ZNF264: variants seen among roughly 807,000 people sequenced by gnomAD.
ZNF264 encodes zinc finger protein 264.
Under a neutral mutation model 11.2 loss-of-function variants are expected in ZNF264, and 11 were observed. The observed-to-expected ratio is 0.98, with a 90% CI of 0.62 to 1.63. The LOEUF is 1.63. ZNF264 is among the 40% of genes most tolerant of loss of function. The pLI is 0.00. For synonymous variants in ZNF264, 309 were observed against 279.8 expected (o/e 1.10, Z -1.04); for missense variants, 752 against 768.1 (o/e 0.98, Z 0.25).
intron 2 of ZNF264, among the ~76,000 whole-genome samples, chr19:57,196,493 G>A (rs1055831145): frequency 5.3e-5 from 8 of 152,054 alleles, no homozygotes; most frequent in African/African-American, 1.9e-4. Context: ...TCTGCTGCTG[G>A]CAGATTGGGC....
chr19:57,196,545 A>G (rs1014312639), intron 2 of ZNF264, among the ~76,000 whole-genome samples: 2 of 151,866 alleles, frequency 1.3e-5, no homozygotes, highest in Admixed American at 1.3e-4. Flanking sequence ...GGTAAGTGGA[A>G]GTCCATGTTG....
At chr19:57,205,214 C>T (rs920104405) in intron 2 of ZNF264, among the ~76,000 whole-genome samples, 183 bp from the exon 3 acceptor site, 1 of 152,120 alleles carries the variant, frequency 6.6e-6, no homozygotes, top group Non-Finnish European at 1.5e-5. Flanking sequence ...TTTGGAATTA[C>T]ATAATGCATT....
In ZNF264 at chr19:57,194,015, T is replaced by A; in HGVS notation, c.160+14T>A. On this transcript the variant is annotated intron_variant, in intron 2 of 3. Transcript: ENST00000263095. The stretch of plus-strand genomic sequence containing the variant: ...TGGTGTCTCTGGGTAAGGCCTTCCT[T>A]CCCCCTCCACCATGCAGGTGACCTG... 1 of 1,594,216 alleles carries A rather than the reference T, an allele frequency of 6.3e-7. No homozygotes were observed. The highest frequency in any genetic ancestry group is 8.5e-7 in the Non-Finnish European group (1 of 1,169,660).
chr19:57,193,923 T>C lies in ZNF264; in HGVS notation c.82T>C (p.Trp28Arg). The C allele has an allele frequency of 6.2e-7, 1 of 1,613,778 alleles. No individual in the cohort carries two copies. The highest frequency in any genetic ancestry group is 1.1e-5 in the South Asian group (1 of 91,066). Residue 28 changes from tryptophan (W) to arginine (R), a missense_variant, in exon 2 of 4, where the codon TGG (tryptophan) becomes CGG (arginine). Coordinates refer to ENST00000263095, the MANE Select transcript of ZNF264 (RefSeq NM_003417.5). ...DVAVTFTKEEWGQLDLAQRTL... is the reference protein window; with the variant it reads ...DVAVTFTKEERGQLDLAQRTL... Reference sequence around the variant, plus strand: ...GGCTGTGACTTTCACCAAGGAGGAGTGGGGGCAGCTGGACCTAGCTCAGCG... The same window carrying C: ...GGCTGTGACTTTCACCAAGGAGGAGCGGGGGCAGCTGGACCTAGCTCAGCG...
chr19:57,219,610 T>A lies in ZNF264; in HGVS notation c.*6629T>A, dbSNP rs2087403063. 6.6e-6 allele frequency: 1 copy of A among 152,264 alleles called. No homozygotes were observed. The highest frequency in any genetic ancestry group is 2.4e-5 in the African/African-American group (1 of 41,462). The allele number at this position is 152,264 out of a possible 1,614,324, so 9.4% of individuals were successfully genotyped here. On this transcript the variant is annotated 3_prime_UTR_variant, in exon 4 of 4. Coordinates refer to ENST00000263095, the MANE Select transcript of ZNF264 (RefSeq NM_003417.5). Reference sequence around the variant, plus strand: ...TCTGAACCAAAACTTCTTTCTTGGTTCTTGAAAGTTGCTGTCTTTCTCCTC... The same window carrying A: ...TCTGAACCAAAACTTCTTTCTTGGTACTTGAAAGTTGCTGTCTTTCTCCTC...
intron 3 of ZNF264, among the ~76,000 whole-genome samples, chr19:57,209,338 G>C (rs1407959222): frequency 6.6e-6 from 1 of 152,108 alleles, no homozygotes; most frequent in Non-Finnish European, 1.5e-5. Context: ...TGATAGCAAT[G>C]CAGTTATTTT....
At position 57,212,746 on chromosome 19, in the gene ZNF264, G is replaced by T; in HGVS notation, c.1649G>T (p.Arg550Leu). The change falls in exon 4 of 4, where the codon CGC becomes CTC. Residue 550 changes from arginine to leucine, a missense_variant. Arg to Leu is a moderately radical substitution (Grantham distance 102). Coordinates refer to ENST00000263095, the MANE Select transcript of ZNF264 (RefSeq NM_003417.5). The stretch of plus-strand genomic sequence containing the variant: ...AGTGAATGTGGAAAGGCCTTCAGTC[G>T]CAGCTCGTCCCTCACTCAGCATCAA... ...KCSECGKAFS[R>L]SSSLTQHQRM... The T allele has an allele frequency of 6.2e-7, 1 of 1,614,132 alleles. No homozygotes were observed. Among genetic ancestry groups the T allele is most frequent in the South Asian group, 1.1e-5 (1 of 91,086 alleles).
rs763872390 is a variant in ZNF264, at chr19:57,197,277, G to A, written c.160+3276G>A. Among the ~76,000 whole-genome samples, 77 of 151,654 alleles carry A rather than the reference G, an allele frequency of 5.1e-4. 3 individuals carry two copies. Among genetic ancestry groups the A allele is most frequent in the African/African-American group, 1.8e-3 (73 of 40,958 alleles). On this transcript the variant is annotated intron_variant, in intron 2 of 3. Transcript: ENST00000263095. ...TCATCTGATGATGGAATGCTGCTGTGCGTGACCCACTTGATGGCTAGCTGG... is the reference window on the plus strand; with the variant it reads ...TCATCTGATGATGGAATGCTGCTGTACGTGACCCACTTGATGGCTAGCTGG...
chr19:57,213,109 A>G lies in ZNF264; in HGVS notation c.*128A>G. 2.3e-6 allele frequency: 2 copies of G among 851,130 alleles called. No individual in the cohort carries two copies. The highest frequency in any genetic ancestry group is 5.3e-5 in the East Asian group (2 of 37,858). The allele number at this position is 851,130 out of a possible 1,614,324, so 52.7% of individuals were successfully genotyped here. ...GAGACCCAGTGGTTATTGTGCACATAGGAGAACCTTCAGCTGCATCTTTCT... is the reference window on the plus strand; with the variant it reads ...GAGACCCAGTGGTTATTGTGCACATGGGAGAACCTTCAGCTGCATCTTTCT... On this transcript the variant is annotated 3_prime_UTR_variant, in exon 4 of 4. Transcript: ENST00000263095.
intron 2 of ZNF264, among the ~76,000 whole-genome samples, chr19:57,204,871 C>T (rs920958689): frequency 6.6e-6 from 1 of 152,168 alleles, no homozygotes; most frequent in African/African-American, 2.4e-5. Flanking sequence ...GCACCGACAG[C>T]AGAGATGGCA....
In ZNF264 at chr19:57,205,381, C is replaced by G. The variant is rs1245978192; in HGVS notation, c.161-16C>G. On this transcript the variant is annotated splice_polypyrimidine_tract_variant and intron_variant, in intron 2 of 3. Coordinates refer to ENST00000263095, the MANE Select transcript of ZNF264 (RefSeq NM_003417.5). ...TCACCCACATCCATGTGTCCACTTG[C>G]TTTCTCCATAAACAGGGTGTCCTGT... 1.0e-5 allele frequency: 16 copies of G among 1,599,270 alleles called. No individual in the cohort carries two copies. The highest frequency in any genetic ancestry group is 1.4e-5 in the Non-Finnish European group (16 of 1,172,858).
At chr19:57,205,735 A>G (rs1361186130) in intron 3 of ZNF264, among the ~76,000 whole-genome samples, 1 of 152,228 alleles carries the variant, frequency 6.6e-6, no homozygotes, top group Non-Finnish European at 1.5e-5. Context: ...TTTAAGAACT[A>G]AGATGTGTTC....
rs1175209983 is a variant in ZNF264, at chr19:57,216,367, AG to A, written c.*3387del. The A allele has an allele frequency of 6.6e-6, 1 of 152,264 alleles. No individual in the cohort carries two copies. Among genetic ancestry groups the A allele is most frequent in the Non-Finnish European group, 1.5e-5 (1 of 68,078 alleles). 9.4% of individuals were successfully genotyped at this position (152,264 alleles called of 1,614,324 possible). On this transcript the variant is annotated 3_prime_UTR_variant, in exon 4 of 4. Coordinates refer to ENST00000263095, the MANE Select transcript of ZNF264 (RefSeq NM_003417.5). The stretch of plus-strand genomic sequence containing the variant: ...CTCTGTCTCAACAACAACAACAAAA[AG>A]TCCTGAACATGATTGTGGAAGTGTG...
At chr19:57,207,834 C>G (rs533436176) in intron 3 of ZNF264, among the ~76,000 whole-genome samples, 110 of 151,786 alleles carry the variant, frequency 7.2e-4, no homozygotes, top group African/African-American at 2.6e-3. Flanking sequence ...TCAAGCGATT[C>G]TCCTGCCTCA....
chr19:57,200,949 T>TA (rs1199074603), intron 2 of ZNF264, among the ~76,000 whole-genome samples: 4 of 151,946 alleles, frequency 2.6e-5, no homozygotes, highest in African/African-American at 9.7e-5. Flanking sequence ...ATACATTTGT[T>TA]ATATATGTGC....
chr19:57,208,733 G>A (rs190507158), intron 3 of ZNF264, among the ~76,000 whole-genome samples: 74 of 152,246 alleles, frequency 4.9e-4, no homozygotes, highest in Middle Eastern at 3.4e-3. Flanking sequence ...TGTAGGCTAT[G>A]CAAATGCTCA....
intron 2 of ZNF264, among the ~76,000 whole-genome samples, chr19:57,198,051 C>T (rs1377091215): frequency 6.6e-6 from 1 of 151,976 alleles, no homozygotes; most frequent in Non-Finnish European, 1.5e-5. Flanking sequence ...GTTGATAGGC[C>T]CCTAGGGTAG....
In ZNF264 at chr19:57,211,909, A is replaced by G. The variant is rs2087339674; in HGVS notation, c.812A>G (p.Lys271Arg). ...GAGTGTGGAAAGGCCTTCAACCGCA[A>G]GTCATACCTTACCCAGCACCAGCGG... is the stretch of plus-strand genomic sequence containing the variant. ...CMECGKAFNRKSYLTQHQRIH... is the reference protein window; with the variant it reads ...CMECGKAFNRRSYLTQHQRIH... Residue 271 changes from lysine (K) to arginine (R), a missense_variant, in exon 4 of 4, where the codon AAG becomes AGG. Coordinates refer to ENST00000263095, the MANE Select transcript of ZNF264 (RefSeq NM_003417.5). The G allele has an allele frequency of 1.2e-6, 2 of 1,611,298 alleles. No homozygotes were observed. Among genetic ancestry groups the G allele is most frequent in the South Asian group, 1.1e-5 (1 of 90,880 alleles).
chr19:57,194,936 A>C, intron 2 of ZNF264: 1 of 395,796 alleles, frequency 2.5e-6, no homozygotes, highest in Non-Finnish European at 4.5e-6. Flanking sequence ...ATAAAGGCTC[A>C]GAGAAATGAA....
Sources: gnomAD v4.1 joint callset for allele counts (sites outside exome capture counted in the v4.1 genomes callset) on GRCh38, gnomAD v4.1.1 for gene constraint, MANE v1.5 for transcripts, NCBI Gene and HGNC (gene_info 2026-07-23, HGNC 2026-07-21) for gene names.